GPRC6A: variants seen among roughly 807,000 people sequenced by gnomAD.
GPRC6A encodes the protein G protein-coupled receptor family C group 6 member A.
GPRC6A carries 54 observed loss-of-function variants against 47.0 expected under a neutral mutation model. That is an observed-to-expected ratio of 1.15 (90% CI 0.92 to 1.44). GPRC6A has a LOEUF of 1.44. Among genes scored for constraint, GPRC6A ranks in the 40% most tolerant of loss-of-function variants. The probability of loss-of-function intolerance (pLI) is 0.00; values close to 1 mark genes in which losing one functional copy is unlikely to be tolerated. For missense variants in GPRC6A, 1,112 were observed against 1,105.5 expected (o/e 1.01, Z -0.08); for synonymous variants, 347 against 377.1 (o/e 0.92, Z 0.93).
chr6:116,822,684 G>T (rs1375860148), intron 1 of GPRC6A, among the ~76,000 whole-genome samples: 1 of 144,094 alleles, frequency 6.9e-6, no homozygotes, highest in South Asian at 2.3e-4. Flanking sequence ...ACACAGGAAG[G>T]GGAATATCAC....
intron 1 of GPRC6A, among the ~76,000 whole-genome samples, chr6:116,822,623 A>T (rs1395656284): frequency 6.8e-6 from 1 of 146,252 alleles, no homozygotes; most frequent in East Asian, 2.0e-4. Flanking sequence ...AAAAAACCAA[A>T]CACCGCATAT....
At chr6:116,804,234 A>G (rs371430102) in intron 3 of GPRC6A, among the ~76,000 whole-genome samples, 26 of 152,180 alleles carry the variant, frequency 1.7e-4, no homozygotes, top group South Asian at 8.3e-4. Context: ...GCTGAAGTAA[A>G]ACAAGCACGA....
chr6:116,821,048 A>T (rs1001265637), intron 1 of GPRC6A, among the ~76,000 whole-genome samples: 18 of 149,618 alleles, frequency 1.2e-4, no homozygotes, highest in African/African-American at 4.4e-4. Flanking sequence ...AATCACAAGC[A>T]TTCTTATACA....
intron 1 of GPRC6A, among the ~76,000 whole-genome samples, chr6:116,824,011 T>C (rs1366746862): frequency 6.6e-6 from 1 of 151,996 alleles, no homozygotes; most frequent in Non-Finnish European, 1.5e-5. Context: ...TCTCCAACAT[T>C]AGGGATTATA....
At chr6:116,811,538 A>G (rs1382397988) in intron 1 of GPRC6A, among the ~76,000 whole-genome samples, 1 of 152,150 alleles carries the variant, frequency 6.6e-6, no homozygotes, top group Non-Finnish European at 1.5e-5. Flanking sequence ...GAAATTCCAG[A>G]AAAAGAATCC....
At chr6:116,819,665 A>G (rs868617438) in intron 1 of GPRC6A, among the ~76,000 whole-genome samples, 9 of 152,318 alleles carry the variant, frequency 5.9e-5, no homozygotes, top group South Asian at 4.1e-4. Context: ...ACCAACAAGA[A>G]CAAAGACACA....
intron 1 of GPRC6A, among the ~76,000 whole-genome samples, chr6:116,827,267 T>A (rs1773707380): frequency 6.6e-6 from 1 of 151,958 alleles, no homozygotes. Flanking sequence ...AAAGCCTGAC[T>A]TGATCATTAC....
chr6:116,810,745 T>G (rs938620250), intron 1 of GPRC6A, among the ~76,000 whole-genome samples: 12 of 151,852 alleles, frequency 7.9e-5, no homozygotes, highest in African/African-American at 2.9e-4. Flanking sequence ...TAAATTTAAT[T>G]AAGAAATTTT....
At position 116,806,571 on chromosome 6, in the gene GPRC6A, A is replaced by G. The variant is rs1381807397; in HGVS notation, c.1134T>C (p.Asn378=). The G allele has an allele frequency of 6.2e-7, 1 of 1,613,658 alleles. No individual in the cohort carries two copies. Among genetic ancestry groups the G allele is most frequent in the Admixed American group, 1.7e-5 (1 of 59,866 alleles). ...KDTDLSQCIF[N]HSQRTLAYKA... ...TGTAGGCCAAAGTCCTTTGAGAATG[A>G]TTGAATATGCATTGACTCAAATCAG... The change falls in exon 3 of 6, where the codon AAT becomes AAC. Residue 378 remains asparagine, a synonymous_variant. Transcript: ENST00000310357.
chr6:116,816,596 G>A (rs371531359), intron 1 of GPRC6A, among the ~76,000 whole-genome samples: 3 of 152,130 alleles, frequency 2.0e-5, no homozygotes, highest in Non-Finnish European at 2.9e-5. Flanking sequence ...CGCAGAAGAC[G>A]GGTGATTTCT....
chr6:116,813,568 A>G (rs1773100522), intron 1 of GPRC6A, among the ~76,000 whole-genome samples: 2 of 152,224 alleles, frequency 1.3e-5, no homozygotes, highest in African/African-American at 4.8e-5. Flanking sequence ...CAGAAAGCTG[A>G]AACCGGATCC....
At chr6:116,822,768 A>T (rs1162385077) in intron 1 of GPRC6A, among the ~76,000 whole-genome samples, 1 of 150,358 alleles carries the variant, frequency 6.7e-6, no homozygotes, top group Non-Finnish European at 1.5e-5. Flanking sequence ...CTAGATGACG[A>T]GTTAGTGGGT....
At chr6:116,820,760 T>C (rs1009851068) in intron 1 of GPRC6A, among the ~76,000 whole-genome samples, 9 of 150,908 alleles carry the variant, frequency 6.0e-5, no homozygotes, top group Non-Finnish European at 8.9e-5. Flanking sequence ...TCATACTGAA[T>C]GGGCAAAAAC....
intron 1 of GPRC6A, among the ~76,000 whole-genome samples, chr6:116,811,872 G>T (rs1773036013): frequency 6.6e-6 from 1 of 151,996 alleles, no homozygotes; most frequent in Non-Finnish European, 1.5e-5. Flanking sequence ...AGCCTTCATG[G>T]TATATGGAAC....
rs770973324 is a variant in GPRC6A at position 116,806,836 on chromosome 6, G to A, written c.869C>T (p.Ala290Val). The A allele has an allele frequency of 6.2e-7, 1 of 1,611,790 alleles. No individual in the cohort carries two copies. Among genetic ancestry groups the A allele is most frequent in the Non-Finnish European group, 8.5e-7 (1 of 1,178,218 alleles). Residue 290 changes from alanine to valine, a missense_variant, in exon 3 of 6, where the codon GCC (alanine) becomes GTC (valine). By Grantham distance (64) the Ala-to-Val change is moderately conservative. Coordinates refer to ENST00000310357, the MANE Select transcript of GPRC6A (RefSeq NM_148963.4). ...CATCTTATTTATATTCATTTCAATG[G>A]CTTTATTGAAGAGATCAAAAACATG... Reference protein sequence around the residue: ...QFHVFDLFNKAIEMNINKMWI... With the variant: ...QFHVFDLFNKVIEMNINKMWI...
At chr6:116,828,083 T>A (rs1447933695) in intron 1 of GPRC6A, among the ~76,000 whole-genome samples, 4 of 152,008 alleles carry the variant, frequency 2.6e-5, no homozygotes, top group Non-Finnish European at 5.9e-5. Flanking sequence ...GATGAGAAAA[T>A]ATACACAACA....
At chr6:116,812,866 C>T (rs1278978995) in intron 1 of GPRC6A, among the ~76,000 whole-genome samples, 1 of 152,168 alleles carries the variant, frequency 6.6e-6, no homozygotes, top group East Asian at 1.9e-4. Context: ...ACCCCATCAT[C>T]TCAGCCAAAA....
Position 116,792,173 on chromosome 6 carries a change from G to A in GPRC6A, c.2750C>T (p.Thr917Ile). The change falls in exon 6 of 6, where the codon ACT becomes ATT. Residue 917 changes from threonine (T) to isoleucine (I), a missense_variant. Transcript: ENST00000310357. ...ACTTGACATTCTTTTTCGAGGCAAA[G>A]TTTTAGATACACTTGTGGCATTTTC... Reference protein sequence around the residue: ...CRENATSVSKTLPRKRMSSI With the variant: ...CRENATSVSKILPRKRMSSI 1 of 1,613,698 alleles carries A rather than the reference G, an allele frequency of 6.2e-7. No individual in the cohort carries two copies.
chr6:116,807,502 G>A (rs1162151572), intron 2 of GPRC6A, among the ~76,000 whole-genome samples: 10 of 152,120 alleles, frequency 6.6e-5, no homozygotes, highest in African/African-American at 2.2e-4. Context: ...GCCAAGGGTG[G>A]ATATTATTTA....
Sources: gnomAD v4.1 joint callset for allele counts (sites outside exome capture counted in the v4.1 genomes callset) on GRCh38, gnomAD v4.1.1 for gene constraint, MANE v1.5 for transcripts, NCBI Gene and HGNC (gene_info 2026-07-23, HGNC 2026-07-21) for gene names.